The following COL24A1 variants were observed in gnomAD, a reference collection of about 807,000 sequenced individuals.
COL24A1 encodes the protein collagen alpha-1(XXIV) chain.
COL24A1 carries 224 observed loss-of-function variants against 253.9 expected under a neutral mutation model. That is an observed-to-expected ratio of 0.88 (90% CI 0.79 to 0.99). The LOEUF (loss-of-function observed/expected upper bound fraction) is 0.99. Among genes scored for constraint, COL24A1 ranks in the 50% least tolerant of loss-of-function variants. The pLI, the probability that COL24A1 is intolerant of heterozygous loss-of-function variation, is 0.00. For synonymous variants in COL24A1, 685 were observed against 673.7 expected (o/e 1.02, Z -0.26); for missense variants, 2,131 against 2,068.5 (o/e 1.03, Z -0.59).
intron 12 of COL24A1, among the ~76,000 whole-genome samples, chr1:86,039,915 C>T (rs1169372456): frequency 2.0e-5 from 3 of 152,136 alleles, no homozygotes; most frequent in African/African-American, 7.2e-5. Flanking sequence ...ATTTGATCCA[C>T]ACTCAGGGTC....
At chr1:85,733,759 T>C (rs2100803097) in intron 59 of COL24A1, among the ~76,000 whole-genome samples, 1 of 152,028 alleles carries the variant, frequency 6.6e-6, no homozygotes, top group Non-Finnish European at 1.5e-5. Context: ...TTTGTATTTT[T>C]AGTAGAGACG....
intron 7 of COL24A1, among the ~76,000 whole-genome samples, chr1:86,083,999 C>G (rs1702866725): frequency 6.6e-6 from 1 of 152,116 alleles, no homozygotes; most frequent in South Asian, 2.1e-4. Flanking sequence ...TATCCTTATT[C>G]TACAAATTAG....
At chr1:85,858,862 A>G (rs1456625217) in intron 37 of COL24A1, among the ~76,000 whole-genome samples, 2 of 151,758 alleles carry the variant, frequency 1.3e-5, no homozygotes, top group Non-Finnish European at 1.5e-5. Flanking sequence ...CTCCCACCCT[A>G]GTAGCTGGGA....
chr1:85,793,058 A>G (rs1431082821), intron 47 of COL24A1, among the ~76,000 whole-genome samples: 2 of 152,176 alleles, frequency 1.3e-5, no homozygotes, highest in African/African-American at 4.8e-5. Context: ...TGAATTTAGT[A>G]CCAAAGCATT....
At chr1:85,946,310 G>A (rs1303965399) in intron 24 of COL24A1, among the ~76,000 whole-genome samples, 2 of 151,972 alleles carry the variant, frequency 1.3e-5, no homozygotes, top group African/African-American at 4.8e-5. Context: ...GGGTTTCCGC[G>A]GGACTTCACA....
chr1:85,744,613 T>C, intron 57 of COL24A1, 53 bp downstream of exon 57: 2 of 1,438,826 alleles, frequency 1.4e-6, no homozygotes, highest in Non-Finnish European at 1.9e-6. Context: ...TCAAACACAC[T>C]GAAATGATGA....
At chr1:85,786,058 G>A (rs1570608007) in intron 48 of COL24A1, among the ~76,000 whole-genome samples, 1 of 152,148 alleles carries the variant, frequency 6.6e-6, no homozygotes. Context: ...TGTTTTGGAG[G>A]AGAAGACAGA....
intron 12 of COL24A1, among the ~76,000 whole-genome samples, chr1:86,038,449 G>A (rs1699200815): frequency 6.6e-6 from 1 of 152,050 alleles, no homozygotes; most frequent in African/African-American, 2.4e-5. Context: ...AAACCTTCAT[G>A]GCATTCAGAC....
At chr1:86,110,449 ACT>A (rs1344167126) in intron 5 of COL24A1, among the ~76,000 whole-genome samples, 1 of 151,758 alleles carries the variant, frequency 6.6e-6, no homozygotes, top group Non-Finnish European at 1.5e-5. Flanking sequence ...CTCAGCGTCC[ACT>A]CTGGCCGCGC....
At chr1:85,787,674 C>A (rs573636998) in intron 47 of COL24A1, among the ~76,000 whole-genome samples, 63 of 152,196 alleles carry the variant, frequency 4.1e-4, no homozygotes, top group African/African-American at 1.4e-3. Context: ...AATGAACATA[C>A]GCGTGCATGT....
chr1:86,020,061 CTTTTTTTTTTTT>C (rs10582249), intron 18 of COL24A1, among the ~76,000 whole-genome samples: 1 of 102,594 alleles, frequency 9.7e-6, no homozygotes, highest in East Asian at 3.9e-4. Flanking sequence ...TTCATTCTTT[CTTTTTTTTTTTT>C]TTTTTTTTTT....
At chr1:85,925,155 GAA>G in intron 24 of COL24A1, among the ~76,000 whole-genome samples, 1 of 152,062 alleles carries the variant, frequency 6.6e-6, no homozygotes, top group African/African-American at 2.4e-5. Flanking sequence ...ACAAACCACT[GAA>G]CAATGAAATA....
chr1:85,982,555 C>G (rs10493779), intron 20 of COL24A1, among the ~76,000 whole-genome samples: 2,110 of 151,054 alleles, frequency 0.014, 25 homozygotes, highest in Middle Eastern at 0.034. Flanking sequence ...TTTTGTATCT[C>G]TCATCCCTCG....
chr1:86,023,557 C>T (rs1042634375), intron 14 of COL24A1, among the ~76,000 whole-genome samples: 2 of 152,030 alleles, frequency 1.3e-5, no homozygotes, highest in African/African-American at 2.4e-5. Context: ...GGGCTTATCT[C>T]GTTTATTCAT....
At chr1:86,121,237 A>C (rs1318257223) in intron 3 of COL24A1, among the ~76,000 whole-genome samples, 1 of 152,132 alleles carries the variant, frequency 6.6e-6, no homozygotes, top group East Asian at 1.9e-4. Flanking sequence ...ACATGTATAC[A>C]TATGTAACAA....
chr1:85,744,979 G>T, intron 56 of COL24A1, 145 bp from the exon 57 acceptor site: 1 of 588,234 alleles, frequency 1.7e-6, no homozygotes, highest in South Asian at 2.7e-5. Flanking sequence ...ATAGGCATAT[G>T]TGTATGCTTT....
At chr1:85,993,466 T>C (rs1694490265) in intron 19 of COL24A1, among the ~76,000 whole-genome samples, 1 of 148,908 alleles carries the variant, frequency 6.7e-6, no homozygotes, top group Non-Finnish European at 1.5e-5. Flanking sequence ...GTACATACTA[T>C]GTGAGTCAGT....
In COL24A1 at chr1:85,729,688, G is replaced by A. The variant is rs536851127; in HGVS notation, c.*858C>T. 5.0e-4 allele frequency: 77 copies of A among 152,512 alleles called. No homozygotes were observed. The highest frequency in any genetic ancestry group is 1.8e-3 in the African/African-American group (73 of 41,496). 9.4% of individuals were successfully genotyped at this position (152,512 alleles called of 1,614,324 possible). ...AACAGTATGGCACAACCCCCAATCT[G>A]TACCCCAAACCTACTACTAGATGTA... On this transcript the variant is annotated 3_prime_UTR_variant, in exon 60 of 60. Transcript: ENST00000370571.
intron 19 of COL24A1, among the ~76,000 whole-genome samples, chr1:86,010,944 G>C (rs937917033): frequency 1.3e-5 from 2 of 152,042 alleles, no homozygotes; most frequent in African/African-American, 4.8e-5. Context: ...CAACTCACAA[G>C]AAAGATACAC....
Sources: allele counts gnomAD v4.1 joint callset (sites outside exome capture counted in the v4.1 genomes callset), GRCh38; gene constraint gnomAD v4.1.1; transcripts MANE v1.5; gene names NCBI Gene and HGNC (gene_info 2026-07-23, HGNC 2026-07-21).